Variants in ERC2 observed in about 807,000 individuals in gnomAD.
ERC2 encodes the protein ELKS/RAB6-interacting/CAST family member 2, also known as ERC protein 2.
Under a neutral mutation model 114.8 loss-of-function variants are expected in ERC2, and 42 were observed. The ratio of observed to expected loss-of-function variants is 0.37; its 90% CI spans 0.29 to 0.47. The LOEUF (loss-of-function observed/expected upper bound fraction) is 0.47. Among genes scored for constraint, ERC2 ranks in the 20% least tolerant of loss-of-function variants. The pLI is 0.99. For synonymous variants in ERC2, 454 were observed against 425.5 expected (o/e 1.07, Z -0.82); for missense variants, 939 against 1,150.7 (o/e 0.82, Z 2.66).
At chr3:56,013,042 A>T (rs2073061133) in intron 8 of ERC2, among the ~76,000 whole-genome samples, 1 of 152,184 alleles carries the variant, frequency 6.6e-6, no homozygotes, top group Admixed American at 6.5e-5. Flanking sequence ...ATGTGGCTAC[A>T]GCAAGGCTTT....
chr3:56,352,128 G>A lies in ERC2; in HGVS notation c.658-55693C>T, dbSNP rs115860713. Among the ~76,000 whole-genome samples the A allele has an allele frequency of 5.3e-3, 809 of 152,178 alleles. 4 individuals are homozygous for A. The highest frequency in any genetic ancestry group is 0.015 in the African/African-American group (619 of 41,520). ...GAAAGCCATTCAAGATTCATTATCC[G>A]GATAATTACATGTCCAGATTAACAT... On this transcript the variant is annotated intron_variant, in intron 2 of 17. Transcript: ENST00000288221.
At chr3:55,625,915 G>A (rs1308146386) in intron 17 of ERC2, among the ~76,000 whole-genome samples, 3 of 152,192 alleles carry the variant, frequency 2.0e-5, no homozygotes, top group Non-Finnish European at 4.4e-5. Flanking sequence ...TGAAAGGCAT[G>A]TCTGTATTTC....
intron 13 of ERC2, among the ~76,000 whole-genome samples, chr3:55,937,247 T>C (rs1351713474): frequency 6.6e-6 from 1 of 152,092 alleles, no homozygotes; most frequent in Non-Finnish European, 1.5e-5. Flanking sequence ...TACTTGGAAG[T>C]CTGAGACAGG....
chr3:55,638,775 A>G (rs2060056740), intron 17 of ERC2, among the ~76,000 whole-genome samples: 1 of 152,244 alleles, frequency 6.6e-6, no homozygotes, highest in Admixed American at 6.5e-5. Flanking sequence ...GCTAATCACT[A>G]CCACTTTGTT....
chr3:55,511,559 A>C (rs1283371532), intron 17 of ERC2, among the ~76,000 whole-genome samples: 2 of 152,216 alleles, frequency 1.3e-5, no homozygotes, highest in Non-Finnish European at 2.9e-5. Context: ...CAAAAAAGGA[A>C]ATTGAAGGGA....
intron 2 of ERC2, among the ~76,000 whole-genome samples, chr3:56,392,714 A>G (rs2060172818): frequency 6.6e-6 from 1 of 152,224 alleles, no homozygotes; most frequent in Non-Finnish European, 1.5e-5. Context: ...ACCTCGAGAC[A>G]TGACTTTTAT....
At chr3:55,656,121 T>G (rs941199944) in intron 17 of ERC2, among the ~76,000 whole-genome samples, 7 of 151,934 alleles carry the variant, frequency 4.6e-5, no homozygotes, top group African/African-American at 1.7e-4. Flanking sequence ...TTTATTTATT[T>G]ATTTTTCTGA....
At position 56,431,345 on chromosome 3, in the gene ERC2, T is replaced by C. The variant is rs546379605; in HGVS notation, c.657+3006A>G. 4.7e-4 allele frequency among the ~76,000 whole-genome samples: 71 copies of C among 152,236 alleles called. 1 individual carries two copies. In the South Asian group the frequency reaches 0.015, roughly 31 times the overall value. On this transcript the variant is annotated intron_variant, in intron 2 of 17. Transcript: ENST00000288221. The stretch of plus-strand genomic sequence containing the variant: ...CAGAAGAGAGGACTCCACCTCACAC[T>C]CCCTTCAATTATGTCACTTTCAGTT...
intron 13 of ERC2, among the ~76,000 whole-genome samples, chr3:55,891,636 G>A (rs149000233): frequency 3.3e-5 from 5 of 151,606 alleles, no homozygotes; most frequent in African/African-American, 7.3e-5. Flanking sequence ...TAGTAGAGAC[G>A]GGGTTTCACC....
intron 3 of ERC2, among the ~76,000 whole-genome samples, chr3:56,232,312 C>G (rs1049264663): frequency 1.3e-5 from 2 of 150,934 alleles, no homozygotes; most frequent in African/African-American, 4.9e-5. Context: ...AAATAAGAAA[C>G]AAAAATCCAC....
intron 17 of ERC2, among the ~76,000 whole-genome samples, chr3:55,551,649 AGGCAGTCCAC>A (rs1393686563): frequency 6.6e-6 from 1 of 152,218 alleles, no homozygotes; most frequent in Non-Finnish European, 1.5e-5. Context: ...TTAAATTCAA[AGGCAGTCCAC>A]TGGCAGGGTT....
chr3:56,183,956 G>A (rs899111819), intron 3 of ERC2, among the ~76,000 whole-genome samples: 20 of 152,002 alleles, frequency 1.3e-4, no homozygotes, highest in African/African-American at 4.6e-4. Context: ...TAGAGAGACA[G>A]GGAAACAGTT....
At chr3:55,897,959 TCTC>T (rs758333625) in intron 13 of ERC2, among the ~76,000 whole-genome samples, 1 of 152,168 alleles carries the variant, frequency 6.6e-6, no homozygotes, top group Admixed American at 6.5e-5. Flanking sequence ...CTCTGATCCT[TCTC>T]CTGCAAACAA....
intron 6 of ERC2, among the ~76,000 whole-genome samples, chr3:56,087,031 C>T (rs1173396420): frequency 6.6e-6 from 1 of 152,028 alleles, no homozygotes; most frequent in Non-Finnish European, 1.5e-5. Context: ...AAAATTAGAA[C>T]TGTATGATAT....
chr3:55,976,728 C>A (rs6778469), intron 12 of ERC2, among the ~76,000 whole-genome samples: 186 of 152,274 alleles, frequency 1.2e-3, no homozygotes, highest in African/African-American at 4.5e-3. Context: ...ATTTAAAGTT[C>A]ACTTGGCCTA....
At chr3:56,072,170 C>A in intron 7 of ERC2, 1 of 158,988 alleles carries the variant, frequency 6.3e-6, no homozygotes. Context: ...TTCGGCTGAT[C>A]TGGCTGGTAG....
intron 3 of ERC2, among the ~76,000 whole-genome samples, chr3:56,259,514 A>G (rs1047099989): frequency 7.2e-5 from 11 of 152,142 alleles, no homozygotes. Flanking sequence ...AAAAAACATT[A>G]TATCAGAGTG....
chr3:55,676,732 C>T (rs982225909), intron 17 of ERC2, among the ~76,000 whole-genome samples: 13 of 152,024 alleles, frequency 8.6e-5, no homozygotes, highest in Admixed American at 4.6e-4. Context: ...AGAGGTTAAA[C>T]AAGACCAGAC....
At chr3:55,779,071 TA>T (rs111838589) in intron 14 of ERC2, among the ~76,000 whole-genome samples, 6,329 of 147,020 alleles carry the variant, frequency 0.043, 150 homozygotes, top group Middle Eastern at 0.075. Flanking sequence ...AACCAGGAAA[TA>T]AAAAAAAAAT....
Sources: allele counts gnomAD v4.1 joint callset (sites outside exome capture counted in the v4.1 genomes callset), GRCh38; gene constraint gnomAD v4.1.1; transcripts MANE v1.5; gene names NCBI Gene and HGNC (gene_info 2026-07-23, HGNC 2026-07-21).